The following BEND4 variants were observed in gnomAD, a reference collection of about 807,000 sequenced individuals.
BEND4 encodes the protein BEN domain-containing protein 4.
BEND4 carries 27 observed loss-of-function variants against 54.7 expected under a neutral mutation model. The ratio of observed to expected loss-of-function variants is 0.49; its 90% CI spans 0.36 to 0.68. The LOEUF is 0.68. Among genes scored for constraint, BEND4 ranks in the 30% least tolerant of loss-of-function variants. BEND4 has a pLI of 0.00. For synonymous variants in BEND4, 327 were observed against 299.5 expected (o/e 1.09, Z -0.95); for missense variants, 702 against 697.2 (o/e 1.01, Z -0.08).
chr4:42,148,009 G>A (rs778053512), intron 2 of BEND4, among the ~76,000 whole-genome samples: 93 of 152,144 alleles, frequency 6.1e-4, no homozygotes, highest in African/African-American at 2.2e-3. Flanking sequence ...CCCAGCGAAG[G>A]GTGAAATATA....
chr4:42,149,184 C>T (rs1012643410), intron 2 of BEND4, among the ~76,000 whole-genome samples: 2 of 150,104 alleles, frequency 1.3e-5, no homozygotes, highest in African/African-American at 2.5e-5. Flanking sequence ...GGCAAAGCGC[C>T]GCTCCCACCC....
chr4:42,120,837 A>G (rs1037321288), intron 4 of BEND4, among the ~76,000 whole-genome samples: 1 of 152,212 alleles, frequency 6.6e-6, no homozygotes, highest in African/African-American at 2.4e-5. Flanking sequence ...AAACTGAAAA[A>G]AAAAATCACT....
intron 4 of BEND4, among the ~76,000 whole-genome samples, chr4:42,123,699 A>ACAAAAC (rs1383312046): frequency 1.4e-4 from 20 of 147,664 alleles, no homozygotes; most frequent in African/African-American, 5.1e-4. Context: ...ATTCAGAAAA[A>ACAAAAC]AAAAAAAAAA....
In BEND4 at chr4:42,116,408, C is replaced by A. The variant is rs547921431; in HGVS notation, c.*1110G>T. ...ACTCAACAAATTAACCAGGGGATAGCGGCACAGTGCTGACTTAGCCATAGC... is the reference window on the plus strand; with the variant it reads ...ACTCAACAAATTAACCAGGGGATAGAGGCACAGTGCTGACTTAGCCATAGC... On this transcript the variant is annotated 3_prime_UTR_variant, in exon 6 of 6. Transcript: ENST00000502486. 30 of 152,276 alleles carry A rather than the reference C, an allele frequency of 2.0e-4. No individual in the cohort carries two copies. Among genetic ancestry groups the A allele is most frequent in the African/African-American group, 6.5e-4 (27 of 41,534 alleles). The allele number at this position is 152,276 out of a possible 1,614,324, so 9.4% of individuals were successfully genotyped here. A position where few individuals can be genotyped will look rare whatever the true frequency, so the allele number is the denominator to read the frequency against.
At chr4:42,127,710 G>A (rs1560577364) in intron 3 of BEND4, among the ~76,000 whole-genome samples, 1 of 152,196 alleles carries the variant, frequency 6.6e-6, no homozygotes, top group Non-Finnish European at 1.5e-5. Flanking sequence ...CACAGTTTAT[G>A]GTTAGAATAA....
At chr4:42,119,170 T>C (rs1258576237) in intron 5 of BEND4, among the ~76,000 whole-genome samples, 1 of 152,166 alleles carries the variant, frequency 6.6e-6, no homozygotes, top group Admixed American at 6.5e-5. Context: ...AAGTAGAGTA[T>C]TCTTTCCAAT....
chr4:42,142,143 G>A (rs572939814), intron 3 of BEND4, among the ~76,000 whole-genome samples: 21 of 151,626 alleles, frequency 1.4e-4, no homozygotes, highest in African/African-American at 4.8e-4. Flanking sequence ...CTGACCTTGT[G>A]ATCCGCCCCC....
At chr4:42,134,106 TG>T (rs1720608258) in intron 3 of BEND4, among the ~76,000 whole-genome samples, 1 of 152,338 alleles carries the variant, frequency 6.6e-6, no homozygotes, top group South Asian at 2.1e-4. Context: ...TAGTTTTCCT[TG>T]GGGGAAACTG....
Position 42,120,222 on chromosome 4 carries a change from A to C in BEND4, c.1219T>G (p.Ser407Ala). ...AGGAGCCGTCTCCCATCTTTCTTTG[A>C]AGAATTTACAGCCTCATCCCACTGT... ...SKQWDEAVNSSKKDGRRLLRY... is the reference protein window; with the variant it reads ...SKQWDEAVNSAKKDGRRLLRY... The change falls in exon 5 of 6, where the codon TCA (serine) becomes GCA (alanine). Residue 407 changes from serine to alanine, a missense_variant. Ser to Ala is a moderately conservative substitution (Grantham distance 99). Transcript: ENST00000502486. 6.2e-7 allele frequency: 1 copy of C among 1,613,952 alleles called. No homozygotes were observed. The highest frequency in any genetic ancestry group is 8.5e-7 in the Non-Finnish European group (1 of 1,179,878).
chr4:42,143,345 A>C, intron 3 of BEND4, 83 bp downstream of exon 3: 1 of 1,224,790 alleles, frequency 8.2e-7, no homozygotes, highest in Non-Finnish European at 1.2e-6. Context: ...ATACACATAC[A>C]TGAGTACAGA....
chr4:42,126,881 C>A (rs1013514511), intron 3 of BEND4, among the ~76,000 whole-genome samples: 1 of 152,060 alleles, frequency 6.6e-6, no homozygotes, highest in East Asian at 1.9e-4. Flanking sequence ...CAAAACAAAA[C>A]AAAAAGAACA....
chr4:42,131,441 A>G (rs77138919), intron 3 of BEND4, among the ~76,000 whole-genome samples: 3,891 of 152,318 alleles, frequency 0.026, 77 homozygotes, highest in Non-Finnish European at 0.038. Context: ...CTCAATTGTA[A>G]AAAGTGTTTA....
chr4:42,123,115 A>T (rs1300815218), intron 4 of BEND4, among the ~76,000 whole-genome samples: 1 of 152,240 alleles, frequency 6.6e-6, no homozygotes, highest in Non-Finnish European at 1.5e-5. Flanking sequence ...AGAAAAAGAA[A>T]GCAATTTATA....
chr4:42,139,053 T>G (rs1186207914), intron 3 of BEND4, among the ~76,000 whole-genome samples: 1 of 152,218 alleles, frequency 6.6e-6, no homozygotes, highest in African/African-American at 2.4e-5. Flanking sequence ...ATGTGACTAC[T>G]CTAAGCTGAC....
rs1022572914 is a variant in BEND4 at position 42,115,261 on chromosome 4, G to C, written c.*2257C>G. On this transcript the variant is annotated 3_prime_UTR_variant, in exon 6 of 6. Transcript: ENST00000502486. ...GAACAAAAGTGGTGTGCAAACCTGG[G>C]ACAGCAGCCTTCTCAGGAGGTAACA... 7.2e-5 allele frequency: 11 copies of C among 152,244 alleles called. No homozygotes were observed. Among genetic ancestry groups the C allele is most frequent in the African/African-American group, 1.9e-4 (8 of 41,436 alleles). 9.4% of individuals were successfully genotyped at this position (152,244 alleles called of 1,614,324 possible).
At chr4:42,132,859 G>A (rs2153146087) in intron 3 of BEND4, among the ~76,000 whole-genome samples, 1 of 152,262 alleles carries the variant, frequency 6.6e-6, no homozygotes, top group South Asian at 2.1e-4. Context: ...GATGAATCTA[G>A]TAGGTGTAAT....
chr4:42,152,116 C>G lies in BEND4; in HGVS notation c.28G>C (p.Glu10Gln), dbSNP rs1464568235. ...TAGATTTTGGGGACGCTGGGCCCCT[C>G]CTCTGCCGGCTGCATCTCTTCCTCC... is the stretch of plus-strand genomic sequence containing the variant. MEEEMQPAE[E>Q]GPSVPKIYKQ... The change falls in exon 2 of 6, where the codon GAG (glutamate) becomes CAG (glutamine). Residue 10 changes from glutamate to glutamine, a missense_variant. Glu to Gln is a conservative substitution (Grantham distance 29, BLOSUM62 2). Transcript: ENST00000502486. 1.6e-6 allele frequency: 2 copies of G among 1,246,978 alleles called. No individual in the cohort carries two copies. Among genetic ancestry groups the G allele is most frequent in the Non-Finnish European group, 2.0e-6 (2 of 987,052 alleles). The allele number at this position is 1,246,978 out of a possible 1,614,324, so 77.2% of individuals were successfully genotyped here. A position where few individuals can be genotyped will look rare whatever the true frequency, so the allele number is the denominator to read the frequency against.
chr4:42,111,631 T>C lies in BEND4; in HGVS notation c.*5887A>G, dbSNP rs1204299231. The stretch of plus-strand genomic sequence containing the variant: ...GAAAAAATCAACAGATTACTGTATT[T>C]TCTTACAAAATTTTCACAACAGTTC... On this transcript the variant is annotated 3_prime_UTR_variant, in exon 6 of 6. Transcript: ENST00000502486. 6.6e-6 allele frequency: 1 copy of C among 152,192 alleles called. No homozygotes were observed. The highest frequency in any genetic ancestry group is 2.4e-5 in the African/African-American group (1 of 41,426). The allele number at this position is 152,192 out of a possible 1,614,324, so 9.4% of individuals were successfully genotyped here.
chr4:42,138,450 T>C (rs1294029519), intron 3 of BEND4, among the ~76,000 whole-genome samples: 1 of 152,156 alleles, frequency 6.6e-6, no homozygotes, highest in African/African-American at 2.4e-5. Flanking sequence ...CGGAGGGATA[T>C]AGCTCAGAGG....
Sources: allele counts gnomAD v4.1 joint callset (sites outside exome capture counted in the v4.1 genomes callset), GRCh38; gene constraint gnomAD v4.1.1; transcripts MANE v1.5; gene names NCBI Gene and HGNC (gene_info 2026-07-23, HGNC 2026-07-21).